DMXL1: variants seen among roughly 807,000 people sequenced by gnomAD.
The protein encoded by DMXL1 is Dmx like 1.
In DMXL1, 99 loss-of-function variants were observed where a neutral mutation model predicts 319.2. The observed-to-expected ratio is 0.31, with a 90% CI of 0.26 to 0.37. The LOEUF is 0.37. Among genes scored for constraint, DMXL1 ranks in the 10% least tolerant of loss-of-function variants. DMXL1 has a pLI of 1.00. For missense variants in DMXL1, 3,745 were observed against 3,595.6 expected, an observed-to-expected ratio of 1.04 and a Z score of -1.06; for synonymous variants, 1,385 against 1,235.2, an observed-to-expected ratio of 1.12 and a Z score of -2.54.
intron 37 of DMXL1, among the ~76,000 whole-genome samples, chr5:119,222,675 C>A (rs1056936479): frequency 5.3e-5 from 8 of 152,272 alleles, no homozygotes; most frequent in African/African-American, 1.9e-4. Flanking sequence ...TTGTCACTCG[C>A]TTTCTAAAAA....
chr5:119,083,021 T>C (rs1419137313), intron 1 of DMXL1, among the ~76,000 whole-genome samples: 1 of 150,854 alleles, frequency 6.6e-6, no homozygotes, highest in Non-Finnish European at 1.5e-5. Flanking sequence ...TCCTTTTTAT[T>C]GTTTGTTTGT....
chr5:119,122,601 G>T (rs1401494194), intron 9 of DMXL1, among the ~76,000 whole-genome samples: 3 of 150,662 alleles, frequency 2.0e-5, no homozygotes, highest in African/African-American at 7.3e-5. Flanking sequence ...CGGTTGCCAG[G>T]CAGAGGGTCT....
At position 119,241,066 on chromosome 5, in the gene DMXL1, C is replaced by G. The variant is rs192050128; in HGVS notation, c.8704+595C>G. On this transcript the variant is annotated intron_variant, in intron 42 of 43. Coordinates refer to ENST00000539542, the MANE Select transcript of DMXL1 (RefSeq NM_001290321.3). ...CCCCCCAGAATTTAACTACTAATAGCCTAGTGTTTACTGGATACCTTATTA... is the reference window on the plus strand; with the variant it reads ...CCCCCCAGAATTTAACTACTAATAGGCTAGTGTTTACTGGATACCTTATTA... Among the ~76,000 whole-genome samples, 4 of 152,124 alleles carry G rather than the reference C, an allele frequency of 2.6e-5. No homozygotes were observed. In the East Asian group the frequency reaches 5.8e-4, roughly 22 times the overall value.
rs564954895 is a variant in DMXL1 at position 119,093,238 on chromosome 5, C to T, written c.88-4741C>T. On this transcript the variant is annotated intron_variant, in intron 1 of 43. Coordinates refer to ENST00000539542, the MANE Select transcript of DMXL1 (RefSeq NM_001290321.3). Reference sequence around the variant, plus strand: ...TTGCTCTGTCACCCAGGCTGGAGTGCAGCAACACGATCTTGGCTCAGTGCA... The same window carrying T: ...TTGCTCTGTCACCCAGGCTGGAGTGTAGCAACACGATCTTGGCTCAGTGCA... Among the ~76,000 whole-genome samples, 5 of 152,144 alleles carry T rather than the reference C, an allele frequency of 3.3e-5. No homozygotes were observed. In the East Asian group the frequency reaches 5.8e-4, roughly 18 times the overall value.
chr5:119,176,687 T>C (rs1775861801), intron 26 of DMXL1, among the ~76,000 whole-genome samples: 1 of 152,244 alleles, frequency 6.6e-6, no homozygotes, highest in Non-Finnish European at 1.5e-5. Context: ...ACTTAATGTA[T>C]GATATAGGAA....
At chr5:119,118,161 C>A (rs1761253002) in intron 7 of DMXL1, among the ~76,000 whole-genome samples, 1 of 152,052 alleles carries the variant, frequency 6.6e-6, no homozygotes, top group Non-Finnish European at 1.5e-5. Flanking sequence ...TCAAGGATGA[C>A]TAAGGAGGGG....
chr5:119,126,653 A>G (rs970715833), intron 9 of DMXL1: 1 of 152,426 alleles, frequency 6.6e-6, no homozygotes, highest in Non-Finnish European at 1.5e-5. Flanking sequence ...AAAATCCATC[A>G]TTATAGACAA....
chr5:119,132,556 T>C (rs1339821900), intron 10 of DMXL1: 9 of 274,370 alleles, frequency 3.3e-5, no homozygotes, highest in Non-Finnish European at 4.4e-5. Flanking sequence ...GGCAGGCACC[T>C]GTAATCCCAG....
chr5:119,160,758 A>T (rs1412737714), intron 19 of DMXL1, among the ~76,000 whole-genome samples: 2 of 152,248 alleles, frequency 1.3e-5, no homozygotes, highest in East Asian at 3.9e-4. Flanking sequence ...CCCCTTTATC[A>T]TTATGTAACA....
chr5:119,128,184 G>A (rs1319112391), intron 9 of DMXL1: 1 of 454,992 alleles, frequency 2.2e-6, no homozygotes. Flanking sequence ...CCACCTGCAC[G>A]GTCTTTTTAA....
rs148789484 is a variant in DMXL1 at position 119,193,860 on chromosome 5, A to G, written c.7347A>G (p.Glu2449=). ...PFLPSSQSRA[E]YDSEESLGSD... ...TACCCTCTTCTCAAAGTAGAGCCGAATATGATTCAGAGGAGAGTCTGGGAA... is the reference window on the plus strand; with the variant it reads ...TACCCTCTTCTCAAAGTAGAGCCGAGTATGATTCAGAGGAGAGTCTGGGAA... The change falls in exon 30 of 44, where the codon GAA becomes GAG. Residue 2449 remains glutamate (E), a synonymous_variant. Coordinates refer to ENST00000539542, the MANE Select transcript of DMXL1 (RefSeq NM_001290321.3). The G allele has an allele frequency of 2.9e-5, 47 of 1,612,946 alleles. No homozygotes were observed. Among genetic ancestry groups the G allele is most frequent in the East Asian group, 4.5e-5 (2 of 44,766 alleles).
intron 1 of DMXL1, among the ~76,000 whole-genome samples, chr5:119,084,552 C>A (rs897828138): frequency 6.6e-6 from 1 of 152,076 alleles, no homozygotes; most frequent in Non-Finnish European, 1.5e-5. Flanking sequence ...ACCAAAAATA[C>A]TCTTCACAGA....
At chr5:119,189,321 A>G (rs1310341023) in intron 28 of DMXL1, among the ~76,000 whole-genome samples, 1 of 152,154 alleles carries the variant, frequency 6.6e-6, no homozygotes, top group Non-Finnish European at 1.5e-5. Flanking sequence ...CTCAGAAGGG[A>G]GTTGTTGCTT....
chr5:119,120,396 A>G (rs1761786856), intron 8 of DMXL1, among the ~76,000 whole-genome samples: 1 of 152,240 alleles, frequency 6.6e-6, no homozygotes, highest in South Asian at 2.1e-4. Context: ...GACTTGTTCT[A>G]CCTTTTGCCC....
chr5:119,172,650 T>C (rs1314922252), intron 25 of DMXL1, among the ~76,000 whole-genome samples: 2 of 152,250 alleles, frequency 1.3e-5, no homozygotes, highest in Non-Finnish European at 2.9e-5. Context: ...GCTGTTAATG[T>C]CATATTTTAT....
chr5:119,101,985 A>G lies in DMXL1; in HGVS notation c.264A>G (p.Leu88=), dbSNP rs75603518. The G allele has an allele frequency of 2.9e-4, 468 of 1,603,890 alleles. No homozygotes were observed. Among genetic ancestry groups the G allele is most frequent in the Non-Finnish European group, 3.7e-4 (436 of 1,175,066 alleles). ...TCTCCATTTTTGAACCAGTTAACCT[A>G]CCAAAACAAAAGAAAAATTTGGTCA... The part of the protein sequence containing the change: ...NVISIFEPVN[L]PKQKKNLELY... The change falls in exon 3 of 44, where the codon CTA becomes CTG. Residue 88 remains leucine, a synonymous_variant. Coordinates refer to ENST00000539542, the MANE Select transcript of DMXL1 (RefSeq NM_001290321.3).
intron 28 of DMXL1, chr5:119,178,655 G>C: frequency 1.0e-6 from 1 of 985,308 alleles, no homozygotes; most frequent in Non-Finnish European, 1.2e-6. Flanking sequence ...AGCTCTTTCA[G>C]CCATCAGTTC....
chr5:119,126,441 G>C (rs1415152135), intron 9 of DMXL1, among the ~76,000 whole-genome samples: 3 of 152,058 alleles, frequency 2.0e-5, no homozygotes, highest in Admixed American at 6.6e-5. Flanking sequence ...CCTCTCAACA[G>C]TCATACCACC....
intron 18 of DMXL1, 69 bp downstream of exon 18, chr5:119,150,490 A>T: frequency 6.8e-7 from 1 of 1,468,860 alleles, no homozygotes; most frequent in African/African-American, 1.4e-5. Flanking sequence ...AATAATTTTT[A>T]TTAAAATGAT....
Sources: gnomAD v4.1 joint callset for allele counts (sites outside exome capture counted in the v4.1 genomes callset) on GRCh38, gnomAD v4.1.1 for gene constraint, MANE v1.5 for transcripts, NCBI Gene and HGNC (gene_info 2026-07-23, HGNC 2026-07-21) for gene names.